The following NRG3 variants were observed in gnomAD, a reference collection of about 807,000 sequenced individuals.
NRG3 encodes the protein neuregulin 3, also known as pro-neuregulin-3, membrane-bound isoform.
NRG3 carries 31 observed loss-of-function variants against 66.9 expected under a neutral mutation model. That is an observed-to-expected ratio of 0.46 (90% CI 0.35 to 0.63). NRG3 has a LOEUF of 0.63. Ranked by LOEUF, NRG3 falls within the 20% of genes least tolerant of loss-of-function variation. The pLI is 0.00. For missense variants in NRG3, 910 were observed against 878.9 expected (o/e 1.04, Z -0.45); for synonymous variants, 393 against 359.4 (o/e 1.09, Z -1.06).
Position 82,888,939 on chromosome 10 carries a change from G to T in NRG3, c.1054+23502G>T, listed in dbSNP as rs886820424. Among the ~76,000 whole-genome samples the T allele has an allele frequency of 4.6e-5, 7 of 152,020 alleles. No homozygotes were observed. In the East Asian group the frequency reaches 7.8e-4, roughly 17 times the overall value. On this transcript the variant is annotated intron_variant, in intron 4 of 8. Transcript: ENST00000372141. ...GGCATAGGAAAGTTGAAATTCAAGC[G>T]CAAGGCAACTGTGACTGGAGCGGAA...
At chr10:82,750,616 C>A (rs1198850768) in intron 3 of NRG3, among the ~76,000 whole-genome samples, 4 of 152,086 alleles carry the variant, frequency 2.6e-5, no homozygotes, top group African/African-American at 9.7e-5. Flanking sequence ...TCTGTCTACA[C>A]ATCCTTATTT....
intron 2 of NRG3, among the ~76,000 whole-genome samples, chr10:82,431,886 G>A (rs955417889): frequency 1.3e-5 from 2 of 152,052 alleles, no homozygotes; most frequent in Non-Finnish European, 2.9e-5. Context: ...AAAGAAATGG[G>A]CATTCCTCCA....
chr10:82,094,884 A>G (rs1215273695), intron 1 of NRG3, among the ~76,000 whole-genome samples: 1 of 152,188 alleles, frequency 6.6e-6, no homozygotes, highest in Admixed American at 6.5e-5. Flanking sequence ...CTGGAGACTC[A>G]GAAGGGTGAG....
chr10:82,624,129 C>T (rs147279847), intron 2 of NRG3, among the ~76,000 whole-genome samples: 162 of 152,188 alleles, frequency 1.1e-3, no homozygotes, highest in South Asian at 5.8e-3. Context: ...AAGTGGCACA[C>T]GTTTACTGCA....
At chr10:82,161,583 A>C (rs548587568) in intron 1 of NRG3, among the ~76,000 whole-genome samples, 4 of 152,202 alleles carry the variant, frequency 2.6e-5, no homozygotes, top group African/African-American at 7.2e-5. Flanking sequence ...TGAAAGGATA[A>C]GTGAATTTTA....
At chr10:82,693,207 C>T (rs924861446) in intron 2 of NRG3, among the ~76,000 whole-genome samples, 1 of 152,098 alleles carries the variant, frequency 6.6e-6, no homozygotes, top group Non-Finnish European at 1.5e-5. Flanking sequence ...TTTTCAATCT[C>T]CCTAAGTAAT....
intron 2 of NRG3, among the ~76,000 whole-genome samples, chr10:82,597,374 C>T (rs527874479): frequency 2.9e-4 from 44 of 152,168 alleles, no homozygotes; most frequent in Non-Finnish European, 5.7e-4. Context: ...TATTTCACGG[C>T]CCTTGAAACT....
intron 1 of NRG3, among the ~76,000 whole-genome samples, chr10:82,121,885 G>A (rs1434063660): frequency 6.6e-6 from 1 of 152,072 alleles, no homozygotes; most frequent in Non-Finnish European, 1.5e-5. Context: ...CAATCCTCCT[G>A]TTTTGGCCTC....
At chr10:82,071,545 G>A (rs2064806731) in intron 1 of NRG3, among the ~76,000 whole-genome samples, 1 of 152,162 alleles carries the variant, frequency 6.6e-6, no homozygotes, top group Non-Finnish European at 1.5e-5. Flanking sequence ...AACAGCAGAA[G>A]GGACACTGTT....
chr10:82,599,141 A>AT (rs2047463601), intron 2 of NRG3, among the ~76,000 whole-genome samples: 2 of 152,170 alleles, frequency 1.3e-5, no homozygotes, highest in Admixed American at 6.5e-5. Flanking sequence ...TTAGTCAGGG[A>AT]TTTTTTTCTG....
chr10:81,962,647 C>T (rs1051859065), intron 1 of NRG3, among the ~76,000 whole-genome samples: 1 of 152,176 alleles, frequency 6.6e-6, no homozygotes, highest in Non-Finnish European at 1.5e-5. Context: ...TTTAGCTTTG[C>T]TCATGAGTTT....
intron 1 of NRG3, among the ~76,000 whole-genome samples, chr10:82,051,488 C>T (rs2063590593): frequency 6.6e-6 from 1 of 152,172 alleles, no homozygotes; most frequent in African/African-American, 2.4e-5. Flanking sequence ...GATCCCAGCA[C>T]AGGCTCAGCA....
chr10:82,632,462 A>G (rs1023860585), intron 2 of NRG3, among the ~76,000 whole-genome samples: 1 of 152,068 alleles, frequency 6.6e-6, no homozygotes, highest in African/African-American at 2.4e-5. Context: ...ACTTTCAGCT[A>G]CTGCAAATAC....
chr10:82,778,658 AGGTACTGAG>A (rs1217426151), intron 3 of NRG3, among the ~76,000 whole-genome samples: 2 of 152,176 alleles, frequency 1.3e-5, no homozygotes, highest in Non-Finnish European at 2.9e-5. Flanking sequence ...CAATTGATTT[AGGTACTGAG>A]GGGCTGTGGC....
intron 1 of NRG3, among the ~76,000 whole-genome samples, chr10:82,156,420 C>T (rs138482090): frequency 1.7e-3 from 252 of 151,664 alleles, no homozygotes; most frequent in African/African-American, 5.8e-3. Context: ...TAAAATTTGT[C>T]TTCTCAGGTA....
intron 3 of NRG3, 132 bp from the exon 4 acceptor site, chr10:82,865,277 CAT>C (rs1840599239): frequency 1.3e-6 from 1 of 751,600 alleles, no homozygotes. Context: ...TCTAAGCAAA[CAT>C]AGGGGTTAAA....
chr10:82,033,193 A>T (rs1441730126), intron 1 of NRG3, among the ~76,000 whole-genome samples: 1 of 152,160 alleles, frequency 6.6e-6, no homozygotes, highest in Non-Finnish European at 1.5e-5. Context: ...CTATAGGAAT[A>T]TTATTTTTTG....
intron 2 of NRG3, among the ~76,000 whole-genome samples, chr10:82,596,808 A>G (rs1330912639): frequency 6.6e-6 from 1 of 152,182 alleles, no homozygotes; most frequent in Non-Finnish European, 1.5e-5. Context: ...AGTCTATGGC[A>G]ATGCTCCAAG....
intron 2 of NRG3, among the ~76,000 whole-genome samples, chr10:82,384,918 C>A (rs934102135): frequency 3.3e-5 from 5 of 152,190 alleles, no homozygotes; most frequent in African/African-American, 1.2e-4. Context: ...ATTAATTTTT[C>A]TCCACAACCT....
Sources: allele counts gnomAD v4.1 joint callset (sites outside exome capture counted in the v4.1 genomes callset), GRCh38; gene constraint gnomAD v4.1.1; transcripts MANE v1.5; gene names NCBI Gene and HGNC (gene_info 2026-07-23, HGNC 2026-07-21).